Variants in TALDO1 observed in about 807,000 individuals in gnomAD.
TALDO1 encodes the protein transaldolase 1.
A neutral mutation model predicts 38.1 loss-of-function variants in TALDO1; 29 were observed. That is an observed-to-expected ratio of 0.76 (90% CI 0.57 to 1.04). TALDO1 has a LOEUF of 1.04. TALDO1 is among the 50% of genes least tolerant of loss of function. TALDO1 has a pLI of 0.00. For synonymous variants in TALDO1, 207 were observed against 176.8 expected (o/e 1.17, Z -1.36); for missense variants, 499 against 438.1 (o/e 1.14, Z -1.24).
intron 3 of TALDO1, 115 bp from the exon 4 acceptor site, chr11:760,007 T>A: frequency 6.9e-7 from 1 of 1,449,510 alleles, no homozygotes; most frequent in Non-Finnish European, 9.5e-7. Context: ...GGGCAGTGGT[T>A]GGTGCTCACG....
chr11:750,875 A>G (rs1862739749), intron 1 of TALDO1, among the ~76,000 whole-genome samples: 1 of 151,994 alleles, frequency 6.6e-6, no homozygotes, highest in Non-Finnish European at 1.5e-5. Context: ...GCAATGGGCC[A>G]TTCTATGGGT....
At chr11:751,647 T>C (rs1212474611) in intron 1 of TALDO1, among the ~76,000 whole-genome samples, 1 of 151,964 alleles carries the variant, frequency 6.6e-6, no homozygotes, top group East Asian at 1.9e-4. Context: ...TACAAAAAAT[T>C]AGCCGGGTAT....
Position 747,495 on chromosome 11 carries a change from C to G in TALDO1, c.14C>G (p.Pro5Arg), listed in dbSNP as rs1037842621. 7 of 1,599,268 alleles carry G rather than the reference C, an allele frequency of 4.4e-6. No individual in the cohort carries two copies. In the African/African-American group the frequency reaches 8.2e-5, roughly 19 times the overall value. MSSS[P>R]VKRQRMESAL... Reference sequence around the variant, plus strand: ...CTCGGTCTTGCTATGTCGAGCTCACCCGTGAAGCGTCAGAGGATGGAGTCC... The same window carrying G: ...CTCGGTCTTGCTATGTCGAGCTCACGCGTGAAGCGTCAGAGGATGGAGTCC... Residue 5 changes from proline to arginine, a missense_variant, in exon 1 of 8, where the codon CCC (proline) becomes CGC (arginine). Physicochemically the swap from Pro to Arg is moderately radical, Grantham distance 103. Transcript: ENST00000319006.
intron 4 of TALDO1, 62 bp from the exon 5 acceptor site, chr11:763,282 G>GT (rs1448996237): frequency 8.9e-6 from 2 of 224,222 alleles, no homozygotes; most frequent in Non-Finnish European, 1.6e-5. Context: ...GCCCTCACCC[G>GT]CCCCCGCCCT....
intron 1 of TALDO1, among the ~76,000 whole-genome samples, chr11:749,418 A>AGAT: frequency 6.6e-6 from 1 of 152,000 alleles, no homozygotes; most frequent in African/African-American, 2.4e-5. Context: ...AAAAAAAAAA[A>AGAT]AATCTTCTAA....
At position 763,462 on chromosome 11, in the gene TALDO1, C is replaced by T. The variant is rs1056954179; in HGVS notation, c.580C>T (p.Leu194Phe). 1 of 1,613,564 alleles carries T rather than the reference C, an allele frequency of 6.2e-7. No individual in the cohort carries two copies. The highest frequency in any genetic ancestry group is 8.5e-7 in the Non-Finnish European group (1 of 1,179,906). ...TLISPFVGRI[L>F]DWHVANTDKK... ...CATCTCCCCATTTGTTGGGCGCATCCTTGATTGGCATGTGGCAAACACCGA... is the reference window on the plus strand; with the variant it reads ...CATCTCCCCATTTGTTGGGCGCATCTTTGATTGGCATGTGGCAAACACCGA... The change falls in exon 5 of 8, where the codon CTT becomes TTT. Residue 194 changes from leucine to phenylalanine, a missense_variant. Leu to Phe is a conservative substitution (Grantham distance 22). Transcript: ENST00000319006.
At chr11:762,544 T>C (rs1226641655) in intron 4 of TALDO1, among the ~76,000 whole-genome samples, 1 of 152,244 alleles carries the variant, frequency 6.6e-6, no homozygotes, top group African/African-American at 2.4e-5. Context: ...TCTGGGTGAC[T>C]GCTGGAGGAA....
chr11:760,345 G>C (rs906126479), intron 4 of TALDO1, 92 bp downstream of exon 4: 3 of 1,581,694 alleles, frequency 1.9e-6, no homozygotes, highest in Admixed American at 1.7e-5. Context: ...GACTCTCTCA[G>C]CCCTGGGGAA....
intron 1 of TALDO1, among the ~76,000 whole-genome samples, chr11:754,378 A>G (rs1368137576): frequency 2.0e-5 from 3 of 152,228 alleles, no homozygotes; most frequent in Admixed American, 6.6e-5. Context: ...AACTTGGGAC[A>G]TTGTCAAAGT....
chr11:764,818 A>C lies in TALDO1; in HGVS notation c.987A>C (p.Arg329=). The C allele has an allele frequency of 6.2e-7, 1 of 1,614,174 alleles. No individual in the cohort carries two copies. The highest frequency in any genetic ancestry group is 8.5e-7 in the Non-Finnish European group (1 of 1,180,040). The part of the protein sequence containing the change: ...AVKLERMLTE[R]MFNAENGK Reference sequence around the variant, plus strand: ...CGTGCTCTGTTTGTTTCTAGGAACGAATGTTCAATGCAGAGAATGGAAAGT... The same window carrying C: ...CGTGCTCTGTTTGTTTCTAGGAACGCATGTTCAATGCAGAGAATGGAAAGT... Residue 329 remains arginine, a synonymous_variant, in exon 8 of 8, where the codon CGA becomes CGC. Transcript: ENST00000319006.
intron 1 of TALDO1, among the ~76,000 whole-genome samples, chr11:751,417 C>G (rs1862748980): frequency 6.6e-6 from 1 of 152,052 alleles, no homozygotes; most frequent in African/African-American, 2.4e-5. Flanking sequence ...GCGTATAATC[C>G]CCAGCACTTT....
At chr11:750,718 G>A (rs1005973604) in intron 1 of TALDO1, among the ~76,000 whole-genome samples, 6 of 151,922 alleles carry the variant, frequency 3.9e-5, no homozygotes, top group African/African-American at 9.7e-5. Context: ...CCAGCTACTC[G>A]GGAGGCTGAG....
rs371836450 is a variant in TALDO1 at position 764,794 on chromosome 11, G to A, written c.982-19G>A. 2.3e-5 allele frequency: 37 copies of A among 1,614,066 alleles called. No individual in the cohort carries two copies. Among genetic ancestry groups the A allele is most frequent in the East Asian group, 6.7e-5 (3 of 44,892 alleles). ...AAGGTAGGGTGGGGAGACACAGCTC[G>A]TGCTCTGTTTGTTTCTAGGAACGAA... On this transcript the variant is annotated intron_variant, in intron 7 of 7. Coordinates refer to ENST00000319006, the MANE Select transcript of TALDO1 (RefSeq NM_006755.2).
At chr11:762,337 C>T (rs1862951093) in intron 4 of TALDO1, among the ~76,000 whole-genome samples, 1 of 152,180 alleles carries the variant, frequency 6.6e-6, no homozygotes, top group South Asian at 2.1e-4. Context: ...TGTTGGTGGA[C>T]ACCTGGTCAG....
At chr11:757,525 C>T (rs1862858967) in intron 2 of TALDO1, among the ~76,000 whole-genome samples, 1 of 152,118 alleles carries the variant, frequency 6.6e-6, no homozygotes, top group South Asian at 2.1e-4. Context: ...AACTCCTGAG[C>T]TTGAGCAGTC....
chr11:755,664 G>A, intron 1 of TALDO1: 1 of 630,144 alleles, frequency 1.6e-6, no homozygotes, highest in African/African-American at 1.8e-5. Flanking sequence ...TGATCGCTGG[G>A]CACTTAGTGT....
At chr11:752,432 C>G (rs1056369855) in intron 1 of TALDO1, 8 of 152,188 alleles carry the variant, frequency 5.3e-5, no homozygotes, top group African/African-American at 1.9e-4. Context: ...CAAAAGGGGT[C>G]CCATCACATA....
chr11:753,327 C>T (rs1391997142), intron 1 of TALDO1, among the ~76,000 whole-genome samples: 19 of 151,726 alleles, frequency 1.3e-4, no homozygotes, highest in East Asian at 3.9e-4. Flanking sequence ...GTCAGGAGAT[C>T]GAGACCATCC....
At chr11:755,135 CTTTTTTTTTT>C (rs71022966) in intron 1 of TALDO1, among the ~76,000 whole-genome samples, 18 of 59,606 alleles carry the variant, frequency 3.0e-4, no homozygotes, top group African/African-American at 1.2e-3. Flanking sequence ...TCCCCTTGGC[CTTTTTTTTTT>C]TTTTTTTTTT....
Sources: allele counts gnomAD v4.1 joint callset (sites outside exome capture counted in the v4.1 genomes callset), GRCh38; gene constraint gnomAD v4.1.1; transcripts MANE v1.5; gene names NCBI Gene and HGNC (gene_info 2026-07-23, HGNC 2026-07-21).